The following DDHD1 variants were observed in gnomAD, a reference collection of about 807,000 sequenced individuals.
The protein encoded by DDHD1 is phospholipase DDHD1.
In DDHD1, 49 loss-of-function variants were observed where a neutral mutation model predicts 96.4. That is an observed-to-expected ratio of 0.51 (90% CI 0.40 to 0.64). DDHD1 has a LOEUF of 0.64. Ranked by LOEUF, DDHD1 falls within the 30% of genes least tolerant of loss-of-function variation. The pLI is 0.00. For missense variants in DDHD1, 1,106 were observed against 1,161.2 expected (o/e 0.95, Z 0.69); for synonymous variants, 442 against 446.5 (o/e 0.99, Z 0.13).
At chr14:53,049,139 C>T (rs530773072) in intron 12 of DDHD1, 2 of 152,272 alleles carry the variant, frequency 1.3e-5, no homozygotes, top group Non-Finnish European at 2.9e-5. Context: ...TGAGTAGGCA[C>T]TCAAATGTTA....
chr14:53,050,184 G>C (rs1422693482), intron 12 of DDHD1, among the ~76,000 whole-genome samples: 1 of 152,146 alleles, frequency 6.6e-6, no homozygotes, highest in Non-Finnish European at 1.5e-5. Context: ...AGGAGGATTT[G>C]GACATGTAGA....
chr14:53,092,232 T>A (rs1292784025), intron 3 of DDHD1: 1 of 201,452 alleles, frequency 5.0e-6, no homozygotes, highest in African/African-American at 2.3e-5. Flanking sequence ...AAAAAAGAAA[T>A]GGCAAACTGG....
At chr14:53,139,090 ACCACACC>A (rs1224584905) in intron 1 of DDHD1, among the ~76,000 whole-genome samples, 47 of 142,106 alleles carry the variant, frequency 3.3e-4, no homozygotes, top group South Asian at 3.3e-3. Flanking sequence ...AAAAAAAAAA[ACCACACC>A]CACACCCACA....
chr14:53,082,307 G>C (rs955408724), intron 4 of DDHD1, among the ~76,000 whole-genome samples: 3 of 151,852 alleles, frequency 2.0e-5, no homozygotes, highest in Non-Finnish European at 2.9e-5. Context: ...TAAAACATAA[G>C]TCTTCATAAT....
chr14:53,123,960 G>A (rs1034649478), intron 1 of DDHD1, among the ~76,000 whole-genome samples: 19 of 152,240 alleles, frequency 1.2e-4, no homozygotes, highest in Non-Finnish European at 2.1e-4. Flanking sequence ...GGCCGGGCAT[G>A]GTGGCTCATG....
At chr14:53,085,288 G>A (rs1007769076) in intron 4 of DDHD1, among the ~76,000 whole-genome samples, 23 of 152,176 alleles carry the variant, frequency 1.5e-4, no homozygotes, top group African/African-American at 5.5e-4. Flanking sequence ...CCAGCACGGG[G>A]TTTCAACTCT....
chr14:53,103,807 A>G lies in DDHD1; in HGVS notation c.888T>C (p.Thr296=), dbSNP rs776761216. Reference sequence around the variant, plus strand: ...TTTCTTCCTCTTCTAGAGGCTGCCAAGTGCCGTCAATAAACCACTGTCCAC... The same window carrying G: ...TTTCTTCCTCTTCTAGAGGCTGCCAGGTGCCGTCAATAAACCACTGTCCAC... The part of the protein sequence containing the change: ...VMRGQWFIDG[T]WQPLEEEESN... The change falls in exon 2 of 13, where the codon ACT becomes ACC. Residue 296 remains threonine, a synonymous_variant. Transcript: ENST00000673822. 2 of 1,612,812 alleles carry G rather than the reference A, an allele frequency of 1.2e-6. No homozygotes were observed. The highest frequency in any genetic ancestry group is 4.5e-5 in the East Asian group (2 of 44,780).
At chr14:53,151,127 C>CAATTGATATA (rs1891323933) in intron 1 of DDHD1, among the ~76,000 whole-genome samples, 1 of 152,188 alleles carries the variant, frequency 6.6e-6, no homozygotes, top group Admixed American at 6.5e-5. Flanking sequence ...ATATATTGCA[C>CAATTGATATA]TAGGCCCTAT....
chr14:53,054,306 T>C, intron 11 of DDHD1, 132 bp downstream of exon 11: 2 of 755,738 alleles, frequency 2.6e-6, no homozygotes, highest in Non-Finnish European at 2.0e-6. Context: ...GAAAGCATTT[T>C]TTTCTTTCAA....
At chr14:53,106,816 C>A (rs1887720727) in intron 1 of DDHD1, among the ~76,000 whole-genome samples, 1 of 152,076 alleles carries the variant, frequency 6.6e-6, no homozygotes, top group Non-Finnish European at 1.5e-5. Context: ...ATGATGGGGC[C>A]TTTTAATATG....
At chr14:53,063,573 T>A (rs1008493523) in intron 6 of DDHD1, among the ~76,000 whole-genome samples, 1 of 152,060 alleles carries the variant, frequency 6.6e-6, no homozygotes, top group African/African-American at 2.4e-5. Flanking sequence ...CTTACCCACA[T>A]GCAATTCTAA....
intron 4 of DDHD1, among the ~76,000 whole-genome samples, chr14:53,083,136 G>T (rs1328688767): frequency 7.5e-6 from 1 of 134,214 alleles, no homozygotes; most frequent in Non-Finnish European, 1.6e-5. Context: ...TGATATTCTT[G>T]TCACTATTGT....
At chr14:53,047,026 A>C (rs1001825734) in intron 12 of DDHD1, 77 bp from the exon 13 acceptor site, 74 of 1,197,916 alleles carry the variant, frequency 6.2e-5, no homozygotes, top group Non-Finnish European at 7.6e-5. Context: ...TGGAGTTGAG[A>C]GTAAAAATTT....
At chr14:53,096,379 T>C (rs1886885119) in intron 2 of DDHD1, among the ~76,000 whole-genome samples, 1 of 152,042 alleles carries the variant, frequency 6.6e-6, no homozygotes, top group African/African-American at 2.4e-5. Flanking sequence ...AAGCAAAACA[T>C]TAGTATAATG....
intron 1 of DDHD1, among the ~76,000 whole-genome samples, chr14:53,107,964 A>G (rs1887822025): frequency 6.6e-6 from 1 of 152,162 alleles, no homozygotes; most frequent in Non-Finnish European, 1.5e-5. Context: ...AGCGGGAGGG[A>G]CAATGATCAG....
At chr14:53,048,906 T>G (rs1250950874) in intron 12 of DDHD1, 1 of 152,224 alleles carries the variant, frequency 6.6e-6, no homozygotes, top group East Asian at 1.9e-4. Flanking sequence ...AATGTGTTAA[T>G]ATTGGTGAAG....
chr14:53,139,111 A>G (rs1890454313), intron 1 of DDHD1, among the ~76,000 whole-genome samples: 1 of 150,134 alleles, frequency 6.7e-6, no homozygotes, highest in Non-Finnish European at 1.5e-5. Flanking sequence ...ACCCACACCC[A>G]CACCCACAAC....
At chr14:53,148,130 A>C (rs887304169) in intron 1 of DDHD1, among the ~76,000 whole-genome samples, 2 of 152,234 alleles carry the variant, frequency 1.3e-5, no homozygotes, top group Non-Finnish European at 2.9e-5. Context: ...AGGCTGTATA[A>C]GTATACCAGA....
At chr14:53,054,330 T>C in intron 11 of DDHD1, 108 bp downstream of exon 11, 1 of 956,362 alleles carries the variant, frequency 1.0e-6, no homozygotes, top group Non-Finnish European at 1.5e-6. Flanking sequence ...TAAGGCACAC[T>C]TTAGATCTTA....
Sources: gnomAD v4.1 joint callset for allele counts (sites outside exome capture counted in the v4.1 genomes callset) on GRCh38, gnomAD v4.1.1 for gene constraint, MANE v1.5 for transcripts, NCBI Gene and HGNC (gene_info 2026-07-23, HGNC 2026-07-21) for gene names.